The following TADA3 variants were observed in gnomAD, a reference collection of about 807,000 sequenced individuals.
TADA3 encodes the protein transcriptional adaptor 3.
In TADA3, 25 loss-of-function variants were observed where a neutral mutation model predicts 43.2. That is an observed-to-expected ratio of 0.58 (90% CI 0.42 to 0.81). TADA3 has a LOEUF of 0.81. TADA3 is among the 30% of genes least tolerant of loss of function. TADA3 has a pLI of 0.00. For synonymous variants in TADA3, 235 were observed against 225.5 expected (o/e 1.04, Z -0.38); for missense variants, 441 against 567.8 (o/e 0.78, Z 2.27).
intron 8 of TADA3, among the ~76,000 whole-genome samples, chr3:9,782,057 C>T (rs373342982): frequency 2.6e-5 from 4 of 152,044 alleles, no homozygotes; most frequent in South Asian, 2.1e-4. Flanking sequence ...AGGCTAGTTT[C>T]GAACTCCTGA....
At chr3:9,791,521 G>A in intron 1 of TADA3, 28 bp from the exon 2 acceptor site, 2 of 1,423,628 alleles carry the variant, frequency 1.4e-6, no homozygotes, top group Non-Finnish European at 1.9e-6. Flanking sequence ...ATTGATGGGA[G>A]ACAAAGTGGT....
Position 9,789,849 on chromosome 3 carries a change from C to T in TADA3, c.322G>A (p.Gly108Arg). The stretch of plus-strand genomic sequence containing the variant: ...GGGCCCGGCCCATGTCCTGCCTTCC[C>T]TTCCAGTTTCTGCTTCTTGGGCTTC... ...HGKPKKQKLE[G>R]KAGHGPGPGP... Residue 108 changes from glycine to arginine, a missense_variant, in exon 3 of 9, where the codon GGG becomes AGG. By Grantham distance (125) the Gly-to-Arg change is moderately radical. Transcript: ENST00000301964. 6.2e-7 allele frequency: 1 copy of T among 1,614,250 alleles called. No individual in the cohort carries two copies. Among genetic ancestry groups the T allele is most frequent in the Non-Finnish European group, 8.5e-7 (1 of 1,180,044 alleles).
At chr3:9,790,425 C>G (rs902398090) in intron 2 of TADA3, among the ~76,000 whole-genome samples, 1 of 152,224 alleles carries the variant, frequency 6.6e-6, no homozygotes, top group Non-Finnish European at 1.5e-5. Flanking sequence ...GTTGGCACCT[C>G]CTTCCTCCAC....
intron 4 of TADA3, chr3:9,787,658 G>T: frequency 7.2e-7 from 1 of 1,385,828 alleles, no homozygotes; most frequent in Non-Finnish European, 9.5e-7. Context: ...GAGCCTTCAG[G>T]TCACGGGTGA....
At chr3:9,790,088 A>G in intron 2 of TADA3, 125 bp from the exon 3 acceptor site, 1 of 1,214,150 alleles carries the variant, frequency 8.2e-7, no homozygotes, top group Non-Finnish European at 1.1e-6. Flanking sequence ...TCCTCTTTTT[A>G]CCTAGTAAAC....
intron 8 of TADA3, chr3:9,781,618 T>G (rs6443264): frequency 0.25 from 114,820 of 454,826 alleles, 15,787 homozygotes; most frequent in East Asian, 0.57. Flanking sequence ...AGACACCAGA[T>G]CAATCTCTCT....
chr3:9,790,014 ATC>A, intron 2 of TADA3, 51 bp from the exon 3 acceptor site: 1 of 1,528,496 alleles, frequency 6.5e-7, no homozygotes. Flanking sequence ...AACACAGAAT[ATC>A]TCTTTCCTCT....
chr3:9,784,438 C>T (rs2125620427), intron 7 of TADA3, among the ~76,000 whole-genome samples: 1 of 152,212 alleles, frequency 6.6e-6, no homozygotes, highest in South Asian at 2.1e-4. Flanking sequence ...ACCCATAATG[C>T]CAACAACCCA....
In TADA3 at chr3:9,789,525, T is replaced by A; in HGVS notation, c.548A>T (p.Glu183Val). 5 of 1,614,120 alleles carry A rather than the reference T, an allele frequency of 3.1e-6. No individual in the cohort carries two copies. Among genetic ancestry groups the A allele is most frequent in the Non-Finnish European group, 4.2e-6 (5 of 1,179,984 alleles). ...LEELLKPPEDEAEHYKIPPLG... is the reference protein window; with the variant it reads ...LEELLKPPEDVAEHYKIPPLG... ...AGTTTCTACCTTGTAATGCTCAGCC[T>A]CATCTTCTGGGGGCTTCAGTAACTC... is the stretch of plus-strand genomic sequence containing the variant. Residue 183 changes from glutamate (E) to valine (V), a missense_variant, in exon 4 of 9, where the codon GAG becomes GTG. Physicochemically the swap from Glu to Val is moderately radical, Grantham distance 121. Transcript: ENST00000301964.
chr3:9,787,732 ATTT>A, intron 4 of TADA3: 2 of 1,293,946 alleles, frequency 1.5e-6, no homozygotes, highest in South Asian at 2.5e-5. Flanking sequence ...TTTCAGATAA[ATTT>A]TTAAGAAATC....
chr3:9,792,255 C>T lies in TADA3; in HGVS notation c.-67G>A, dbSNP rs2078755513. The T allele has an allele frequency of 6.5e-6, 1 of 154,464 alleles. No individual in the cohort carries two copies. The highest frequency in any genetic ancestry group is 2.4e-5 in the African/African-American group (1 of 41,668). The allele number at this position is 154,464 out of a possible 1,614,324, so 9.6% of individuals were successfully genotyped here. On this transcript the variant is annotated 5_prime_UTR_variant, in exon 1 of 9. Coordinates refer to ENST00000301964, the MANE Select transcript of TADA3 (RefSeq NM_006354.5). ...CTGAGGATTAAGAGATGATGCCCGT[C>T]AAGAGCCCAGTTCAGTGTCTGGCAC...
chr3:9,781,282 A>AAT (rs145898207), intron 8 of TADA3, among the ~76,000 whole-genome samples: 33 of 150,880 alleles, frequency 2.2e-4, no homozygotes, highest in African/African-American at 2.9e-4. Flanking sequence ...CTGTCTCTAA[A>AAT]ATATATATAT....
upstream of TADA3, chr3:9,792,806 C>G: frequency 7.5e-7 from 1 of 1,333,850 alleles, no homozygotes; most frequent in Non-Finnish European, 9.6e-7. Context: ...TGAAGCTGGG[C>G]TGTACCATTG....
intron 6 of TADA3, among the ~76,000 whole-genome samples, chr3:9,786,254 T>C (rs1230476928): frequency 6.6e-6 from 1 of 152,202 alleles, no homozygotes; most frequent in Non-Finnish European, 1.5e-5. Flanking sequence ...GCTCTTATTC[T>C]GTGGGACTGG....
chr3:9,790,086 T>C (rs1476828503), intron 2 of TADA3, 123 bp from the exon 3 acceptor site: 1 of 1,254,980 alleles, frequency 8.0e-7, no homozygotes, highest in African/African-American at 1.5e-5. Context: ...CATCCTCTTT[T>C]TACCTAGTAA....
Position 9,780,057 on chromosome 3 carries a change from A to C in TADA3, c.*300T>G. On this transcript the variant is annotated 3_prime_UTR_variant, in exon 9 of 9. Coordinates refer to ENST00000301964, the MANE Select transcript of TADA3 (RefSeq NM_006354.5). ...AAGTCCTTGAAGGGGAGACAGGGGT[A>C]GGGGATTAGGGAGTGGGGGATGGTA... 1 of 283,134 alleles carries C rather than the reference A, an allele frequency of 3.5e-6. No homozygotes were observed. The highest frequency in any genetic ancestry group is 6.3e-5 in the East Asian group (1 of 15,774). 17.5% of individuals were successfully genotyped at this position (283,134 alleles called of 1,614,324 possible). A position where few individuals can be genotyped will look rare whatever the true frequency, so the allele number is the denominator to read the frequency against.
chr3:9,792,731 G>C, upstream of TADA3: 2 of 1,237,384 alleles, frequency 1.6e-6, no homozygotes, highest in Admixed American at 4.2e-5. Context: ...GAAAGGATGG[G>C]GGTACAGAAC....
chr3:9,791,030 G>A (rs1350073449), intron 2 of TADA3, among the ~76,000 whole-genome samples: 1 of 152,168 alleles, frequency 6.6e-6, no homozygotes, highest in Non-Finnish European at 1.5e-5. Flanking sequence ...AACACAATGG[G>A]GGATGAGTGG....
Position 9,791,393 on chromosome 3 carries a change from C to T in TADA3, c.74G>A (p.Arg25His). Residue 25 changes from arginine (R) to histidine (H), a missense_variant, in exon 2 of 9, where the codon CGC becomes CAC. By Grantham distance (29) the Arg-to-His change is conservative (BLOSUM62 0). Coordinates refer to ENST00000301964, the MANE Select transcript of TADA3 (RefSeq NM_006354.5). ...KSVDHLKVCP[R>H]YTAVLARSED... is the part of the protein sequence containing the mutation. ...AGAGCGTGCCAGCACTGCCGTGTAG[C>T]GGGGACAGACCTTCAGGTGATCCAC... 6.2e-7 allele frequency: 1 copy of T among 1,614,148 alleles called. No individual in the cohort carries two copies. The highest frequency in any genetic ancestry group is 1.7e-5 in the Admixed American group (1 of 60,022).
Sources: gnomAD v4.1 joint callset for allele counts (sites outside exome capture counted in the v4.1 genomes callset) on GRCh38, gnomAD v4.1.1 for gene constraint, MANE v1.5 for transcripts, NCBI Gene and HGNC (gene_info 2026-07-23, HGNC 2026-07-21) for gene names.